The following CUBN variants were observed in gnomAD, a reference collection of about 807,000 sequenced individuals.
CUBN encodes 460 kDa receptor.
CUBN carries 282 observed loss-of-function variants against 405.3 expected under a neutral mutation model. The observed-to-expected ratio is 0.70, with a 90% confidence interval of 0.63 to 0.77. The LOEUF is 0.77. Ranked by LOEUF, CUBN falls within the 30% of genes least tolerant of loss-of-function variation. CUBN has a pLI of 0.00. For missense variants in CUBN, 4,514 were observed against 4,475.2 expected (o/e 1.01, Z -0.25); for synonymous variants, 1,684 against 1,617.0 (o/e 1.04, Z -0.99).
rs1223546224 is a variant in CUBN at position 17,043,736 on chromosome 10, TACTTACTCTGCCAGTATTCAC to T, written c.3829+70_3829+90del. ...CTAGGCACTGAACAGCGAGTATACA[TACTTACTCTGCCAGTATTCAC>T]ACTTACTCTGCTGGTATTCACACTT... On this transcript the variant is annotated intron_variant, in intron 26 of 66. Coordinates refer to ENST00000377833, the MANE Select transcript of CUBN (RefSeq NM_001081.4). 18 of 1,563,640 alleles carry T rather than the reference TACTTACTCTGCCAGTATTCAC, an allele frequency of 1.2e-5. No individual in the cohort carries two copies. The Middle Eastern group carries it at 8.4e-4, about 73-fold the overall frequency.
intron 27 of CUBN, among the ~76,000 whole-genome samples, chr10:17,038,761 G>A (rs1834951664): frequency 6.6e-6 from 1 of 152,182 alleles, no homozygotes; most frequent in Non-Finnish European, 1.5e-5. Context: ...CTATTGCTCT[G>A]GTCTGGCCTC....
chr10:17,040,837 A>G, intron 27 of CUBN, among the ~76,000 whole-genome samples, 196 bp downstream of exon 27: 1 of 152,198 alleles, frequency 6.6e-6, no homozygotes, highest in African/African-American at 2.4e-5. Context: ...ACCTAAAAAC[A>G]TAGATAGTTC....
Position 16,984,147 on chromosome 10 carries a change from T to G in CUBN, c.4483A>C (p.Asn1495His). The change falls in exon 30 of 67, where the codon AAT becomes CAT. Residue 1495 changes from asparagine (N) to histidine (H), a missense_variant. Around this residue, in one of 5 missense-constraint regions of CUBN, gnomAD observed 1,613 missense variants for 1,542.8 expected, o/e 1.05. Coordinates refer to ENST00000377833, the MANE Select transcript of CUBN (RefSeq NM_001081.4). ...CATGACGCATTGAAGCCTCTCCCATTTATGGACAAGTCGGTCTTGAATCGA... is the reference window on the plus strand; with the variant it reads ...CATGACGCATTGAAGCCTCTCCCATGTATGGACAAGTCGGTCTTGAATCGA... ...AIRFKTDLSI[N>H]GRGFNASWQA... 6.2e-7 allele frequency: 1 copy of G among 1,614,148 alleles called. No homozygotes were observed. The highest frequency in any genetic ancestry group is 1.1e-5 in the South Asian group (1 of 91,070).
intron 27 of CUBN, among the ~76,000 whole-genome samples, chr10:17,027,956 T>C (rs1163777019): frequency 6.6e-6 from 1 of 152,150 alleles, no homozygotes. Context: ...AAACACACCA[T>C]GTACCCCATA....
chr10:16,843,291 G>A (rs188886812), intron 60 of CUBN, among the ~76,000 whole-genome samples: 9 of 152,320 alleles, frequency 5.9e-5, no homozygotes, highest in African/African-American at 2.2e-4. Flanking sequence ...CTTCTAAAAT[G>A]AGTGTCTGTG....
chr10:17,069,872 C>A (rs561999892), intron 19 of CUBN, among the ~76,000 whole-genome samples: 1 of 152,040 alleles, frequency 6.6e-6, no homozygotes, highest in Non-Finnish European at 1.5e-5. Flanking sequence ...TCAAGTTATT[C>A]GTTTTTAATT....
At chr10:17,102,916 C>A (rs1438156052) in intron 13 of CUBN, among the ~76,000 whole-genome samples, 10 of 152,050 alleles carry the variant, frequency 6.6e-5, no homozygotes, top group African/African-American at 2.4e-4. Context: ...CTGCACCCAG[C>A]CCCTGTGACT....
At chr10:16,891,848 G>C (rs1841018471) in intron 54 of CUBN, among the ~76,000 whole-genome samples, 1 of 152,144 alleles carries the variant, frequency 6.6e-6, no homozygotes, top group Non-Finnish European at 1.5e-5. Flanking sequence ...GGTGTGATGG[G>C]TAGTATCTAG....
intron 29 of CUBN, among the ~76,000 whole-genome samples, chr10:16,985,223 A>G (rs1833383064): frequency 1.3e-5 from 2 of 152,208 alleles, no homozygotes; most frequent in African/African-American, 2.4e-5. Context: ...CTCCAACTCC[A>G]GGCTCCACGA....
intron 17 of CUBN, among the ~76,000 whole-genome samples, chr10:17,081,625 G>C (rs1835970936): frequency 6.6e-6 from 1 of 152,094 alleles, no homozygotes; most frequent in African/African-American, 2.4e-5. Flanking sequence ...ACCACTATCT[G>C]AAGAACAACA....
At chr10:17,108,852 C>A (rs1277445017) in intron 10 of CUBN, among the ~76,000 whole-genome samples, 1 of 151,950 alleles carries the variant, frequency 6.6e-6, no homozygotes, top group Non-Finnish European at 1.5e-5. Flanking sequence ...AGATAATGTC[C>A]TTAGTACATA....
intron 17 of CUBN, 113 bp downstream of exon 17, chr10:17,084,158 C>T: frequency 1.0e-6 from 1 of 1,002,086 alleles, no homozygotes; most frequent in Non-Finnish European, 1.6e-6. Flanking sequence ...TTCTAACAAG[C>T]TCTCAGGTAT....
intron 56 of CUBN, among the ~76,000 whole-genome samples, chr10:16,885,706 A>G (rs1840791666): frequency 6.6e-6 from 1 of 152,172 alleles, no homozygotes; most frequent in South Asian, 2.1e-4. Context: ...AATAATACAT[A>G]TACCACTGGT....
At chr10:17,069,215 T>C (rs1024195837) in intron 19 of CUBN, among the ~76,000 whole-genome samples, 15 of 152,236 alleles carry the variant, frequency 9.9e-5, no homozygotes, top group South Asian at 2.1e-4. Context: ...ACTTAAGTTG[T>C]TTCTACTTTT....
intron 6 of CUBN, among the ~76,000 whole-genome samples, chr10:17,120,082 T>A (rs1837002375): frequency 6.6e-6 from 1 of 152,242 alleles, no homozygotes; most frequent in Admixed American, 6.5e-5. Context: ...CAGGTCCAGA[T>A]GATTCTGAGG....
intron 9 of CUBN, 55 bp downstream of exon 9, chr10:17,110,862 CTA>C (rs1836757242): frequency 6.2e-7 from 1 of 1,612,304 alleles, no homozygotes; most frequent in East Asian, 2.2e-5. Context: ...TTCCGTATTC[CTA>C]TGTCTGTGTT....
rs1465708099 is a variant in CUBN, at chr10:16,835,271, A to G, written c.10181-76T>C. The G allele has an allele frequency of 4.8e-6, 6 of 1,247,902 alleles. No homozygotes were observed. The Admixed American group carries it at 5.1e-5, about 11-fold the overall frequency. The allele number at this position is 1,247,902 out of a possible 1,614,324, so 77.3% of individuals were successfully genotyped here. Reference sequence around the variant, plus strand: ...TCTTTCAACTTCACAGGAATCATTCAAAAAGATCATTGCATTTGATAAACT... The same window carrying G: ...TCTTTCAACTTCACAGGAATCATTCGAAAAGATCATTGCATTTGATAAACT... On this transcript the variant is annotated intron_variant, in intron 63 of 66. Transcript: ENST00000377833.
At chr10:17,021,779 C>A (rs1834508675) in intron 27 of CUBN, among the ~76,000 whole-genome samples, 1 of 90,740 alleles carries the variant, frequency 1.1e-5, no homozygotes, top group African/African-American at 5.5e-5. Context: ...AATTAGTCTG[C>A]CTTTGAAAGC....
rs114155914 is a variant in CUBN at position 16,867,795 on chromosome 10, T to C, written c.9454+1841A>G. On this transcript the variant is annotated intron_variant, in intron 59 of 66. Coordinates refer to ENST00000377833, the MANE Select transcript of CUBN (RefSeq NM_001081.4). ...GACTTTTCCTTCTGTTAAATCACAA[T>C]AGGTCTAAAAATGTCTTCTTTGTGG... 5.2e-3 allele frequency among the ~76,000 whole-genome samples: 793 copies of C among 152,268 alleles called. 4 individuals are homozygous for C. The highest frequency in any genetic ancestry group is 0.018 in the African/African-American group (739 of 41,554).
Sources: allele counts gnomAD v4.1 joint callset (sites outside exome capture counted in the v4.1 genomes callset), GRCh38; gene constraint gnomAD v4.1.1; regional missense constraint gnomAD v4.1.1; transcripts MANE v1.5; gene names NCBI Gene and HGNC (gene_info 2026-07-23, HGNC 2026-07-21).